CBR4: variants seen among roughly 807,000 people sequenced by gnomAD.
CBR4 encodes 3-oxoacyl-[acyl-carrier-protein] reductase.
Under a neutral mutation model 21.0 loss-of-function variants are expected in CBR4, and 22 were observed. That is an observed-to-expected ratio of 1.05 (90% confidence interval 0.75 to 1.50). The LOEUF is 1.50. Among genes scored for constraint, CBR4 ranks in the 40% most tolerant of loss-of-function variants. The probability of loss-of-function intolerance (pLI) is 0.00; values close to 1 mark genes in which losing one functional copy is unlikely to be tolerated. For missense variants in CBR4, 302 were observed against 286.3 expected, an observed-to-expected ratio of 1.05 and a Z score of -0.40; for synonymous variants, 100 against 104.4, an observed-to-expected ratio of 0.96 and a Z score of 0.26.
Position 168,989,351 on chromosome 4 carries a change from T to A in CBR4, c.*799A>T. On this transcript the variant is annotated 3_prime_UTR_variant, in exon 5 of 5. Transcript: ENST00000306193. ...CAGGTATTAAAACCTTAAGGGCTAA[T>A]CCTCTTCACTTATGAGAATTTCTCA... is the stretch of plus-strand genomic sequence containing the variant. 1 of 985,406 alleles carries A rather than the reference T, an allele frequency of 1.0e-6. No individual in the cohort carries two copies. Among genetic ancestry groups the A allele is most frequent in the Non-Finnish European group, 1.2e-6 (1 of 829,888 alleles). 61.0% of individuals were successfully genotyped at this position (985,406 alleles called of 1,614,324 possible).
At position 168,921,574 on chromosome 4, in the gene CBR4, A is replaced by C. The variant is rs750112132; in HGVS notation, n.170-26809T>G. Reference sequence around the variant, plus strand: ...ACCCCAGATCTAAGCTGGCAACTAGATGGAAAGCCCGTACGCCCTGACAGT... The same window carrying C: ...ACCCCAGATCTAAGCTGGCAACTAGCTGGAAAGCCCGTACGCCCTGACAGT... On this transcript the variant is annotated intron_variant and non_coding_transcript_variant, in intron 2 of 3. Transcript: ENST00000509108. 8.1e-6 allele frequency: 13 copies of C among 1,609,124 alleles called. No homozygotes were observed. The highest frequency in any genetic ancestry group is 1.1e-5 in the Non-Finnish European group (13 of 1,179,046).
chr4:168,933,380 A>T (rs1763020028), intron 2 of CBR4, among the ~76,000 whole-genome samples: 1 of 152,218 alleles, frequency 6.6e-6, no homozygotes, highest in Non-Finnish European at 1.5e-5. Context: ...ATGTCAGATA[A>T]TACAGGCTAT....
rs1764827623 is a variant in CBR4 at position 168,989,944 on chromosome 4, A to G, written c.*206T>C. On this transcript the variant is annotated 3_prime_UTR_variant, in exon 5 of 5. Transcript: ENST00000306193. ...ATGAAGGCTTTTTAAACAAAACAAC[A>G]CTGATGTAACTTAGACCAAAAAAAA... is the stretch of plus-strand genomic sequence containing the variant. 1.6e-6 allele frequency: 2 copies of G among 1,216,670 alleles called. No individual in the cohort carries two copies. The highest frequency in any genetic ancestry group is 2.8e-4 in the Middle Eastern group (1 of 3,610). 75.4% of individuals were successfully genotyped at this position (1,216,670 alleles called of 1,614,324 possible). A position where few individuals can be genotyped will look rare whatever the true frequency, so the allele number is the denominator to read the frequency against.
At chr4:168,936,830 G>A (rs954903106) in intron 2 of CBR4, among the ~76,000 whole-genome samples, 5 of 152,150 alleles carry the variant, frequency 3.3e-5, no homozygotes, top group African/African-American at 1.2e-4. Context: ...TGAAAGTGAC[G>A]GGGAGAATGG....
At chr4:168,976,697 A>C (rs1764382603) in intron 2 of CBR4, among the ~76,000 whole-genome samples, 1 of 152,250 alleles carries the variant, frequency 6.6e-6, no homozygotes, top group African/African-American at 2.4e-5. Flanking sequence ...GTATCATACG[A>C]AGTACATTCA....
chr4:168,989,470 T>C lies in CBR4; in HGVS notation c.*680A>G. On this transcript the variant is annotated 3_prime_UTR_variant, in exon 5 of 5. Transcript: ENST00000306193. The stretch of plus-strand genomic sequence containing the variant: ...ACCACTCAAAGAAATCAATTCTAAA[T>C]TCATGTCTTTAATGAATACTATGTT... The C allele has an allele frequency of 1.0e-6, 1 of 985,390 alleles. No homozygotes were observed. Among genetic ancestry groups the C allele is most frequent in the South Asian group, 4.7e-5 (1 of 21,286 alleles). The allele number at this position is 985,390 out of a possible 1,614,324, so 61.0% of individuals were successfully genotyped here.
chr4:168,940,188 G>T (rs55994233), intron 2 of CBR4, among the ~76,000 whole-genome samples: 1 of 152,168 alleles, frequency 6.6e-6, no homozygotes, highest in African/African-American at 2.4e-5. Context: ...AAACAATGGG[G>T]AAAGAATTCC....
chr4:169,001,165 T>C (rs921591585), intron 4 of CBR4: 2 of 151,536 alleles, frequency 1.3e-5, no homozygotes, highest in African/African-American at 4.9e-5. Context: ...TTTTTTTTTT[T>C]TTTCGGTACA....
At chr4:168,994,732 C>T (rs1186648396) in intron 4 of CBR4, among the ~76,000 whole-genome samples, 3 of 148,354 alleles carry the variant, frequency 2.0e-5, no homozygotes, top group African/African-American at 7.5e-5. Context: ...GCGCCTACCA[C>T]CACGCCTGGC....
chr4:169,005,763 C>T, intron 3 of CBR4: 1 of 592,828 alleles, frequency 1.7e-6, no homozygotes. Flanking sequence ...GTCCAAAATG[C>T]TCTCATGTCC....
chr4:168,958,605 T>C (rs1763755302), intron 2 of CBR4, among the ~76,000 whole-genome samples: 1 of 152,240 alleles, frequency 6.6e-6, no homozygotes, highest in Admixed American at 6.5e-5. Flanking sequence ...CTGAATTTTA[T>C]GTTAAGTTTA....
chr4:168,894,554 A>G lies in CBR4; in HGVS notation n.365+16T>C, dbSNP rs749980711. On this transcript the variant is annotated intron_variant and non_coding_transcript_variant, in intron 3 of 3. Transcript: ENST00000509108. ...ATTTGTGATTTTTTTCTAATTTTGT[A>G]TTTTTTGTGACTTACGTTGTTTAGA... 18 of 1,519,096 alleles carry G rather than the reference A, an allele frequency of 1.2e-5. No individual in the cohort carries two copies. The South Asian group carries it at 1.8e-4, about 15-fold the overall frequency. 94.1% of individuals were successfully genotyped at this position (1,519,096 alleles called of 1,614,324 possible).
At chr4:168,996,817 T>C (rs1418840389) in intron 4 of CBR4, among the ~76,000 whole-genome samples, 2 of 152,222 alleles carry the variant, frequency 1.3e-5, no homozygotes, top group Admixed American at 6.5e-5. Flanking sequence ...CTCTGGGCTG[T>C]ATGGAACTTC....
intron 2 of CBR4, among the ~76,000 whole-genome samples, chr4:168,952,483 A>G (rs531959072): frequency 3.3e-5 from 5 of 152,220 alleles, no homozygotes; most frequent in African/African-American, 1.2e-4. Context: ...GGGGGGTGTT[A>G]AAGAGCCCTG....
chr4:168,905,246 G>A (rs927073298), intron 2 of CBR4, among the ~76,000 whole-genome samples: 6 of 138,366 alleles, frequency 4.3e-5, no homozygotes, highest in South Asian at 2.5e-4. Flanking sequence ...CGCCTCCTGC[G>A]TTCACACCAT....
intron 2 of CBR4, chr4:168,921,834 T>C (rs920831869): frequency 1.3e-5 from 13 of 988,326 alleles, no homozygotes; most frequent in Non-Finnish European, 1.9e-5. Context: ...ATACGGAAAA[T>C]AAAGTATTGA....
At chr4:168,924,662 G>A (rs1012584528) in intron 2 of CBR4, among the ~76,000 whole-genome samples, 2 of 152,122 alleles carry the variant, frequency 1.3e-5, no homozygotes, top group African/African-American at 4.8e-5. Context: ...CTATCTAAAA[G>A]AAAAGATGAA....
At chr4:168,987,519 T>C (rs1210389087), downstream of CBR4, 11 of 432,094 alleles carry the variant, frequency 2.5e-5, no homozygotes, top group African/African-American at 6.5e-5. Context: ...AGTTTTACAA[T>C]TGAATTGAAA....
chr4:168,930,225 T>G (rs1315856960), intron 2 of CBR4, among the ~76,000 whole-genome samples: 2 of 152,162 alleles, frequency 1.3e-5, no homozygotes, highest in African/African-American at 4.8e-5. Flanking sequence ...TTTATGTATT[T>G]TATGCCTCCA....
Sources: gnomAD v4.1 joint callset for allele counts (sites outside exome capture counted in the v4.1 genomes callset) on GRCh38, gnomAD v4.1.1 for gene constraint, MANE v1.5 for transcripts, NCBI Gene and HGNC (gene_info 2026-07-23, HGNC 2026-07-21) for gene names.